The following LHFPL2 variants were observed in gnomAD, a reference collection of about 807,000 sequenced individuals.
The protein encoded by LHFPL2 is LHFPL tetraspan subfamily member 2 protein.
A neutral mutation model predicts 17.5 loss-of-function variants in LHFPL2; 7 were observed. The observed-to-expected ratio is 0.40, with a 90% CI of 0.23 to 0.75. The LOEUF is 0.75. Ranked by LOEUF, LHFPL2 falls within the 30% of genes least tolerant of loss-of-function variation. The probability of loss-of-function intolerance (pLI) is 0.37; values close to 1 mark genes in which losing one functional copy is unlikely to be tolerated. For synonymous variants in LHFPL2, 134 were observed against 116.2 expected (o/e 1.15, Z -0.99); for missense variants, 241 against 294.8 (o/e 0.82, Z 1.34).
intron 2 of LHFPL2, among the ~76,000 whole-genome samples, chr5:78,595,559 G>T (rs1329147388): frequency 6.6e-6 from 1 of 152,220 alleles, no homozygotes; most frequent in African/African-American, 2.4e-5. Context: ...GTCACCCAAG[G>T]TAAGTGCAGC....
intron 2 of LHFPL2, among the ~76,000 whole-genome samples, chr5:78,606,466 TGA>T (rs941672788): frequency 1.3e-5 from 2 of 152,188 alleles, no homozygotes; most frequent in African/African-American, 4.8e-5. Flanking sequence ...CACTTAAGAC[TGA>T]GAGTTATTAA....
rs186604205 is a variant in LHFPL2 at position 78,530,276 on chromosome 5, C to A, written c.-185-19878G>T. On this transcript the variant is annotated intron_variant, in intron 3 of 4. Coordinates refer to ENST00000380345, the MANE Select transcript of LHFPL2 (RefSeq NM_005779.3). ...AATTCTAACCCATGTCTCTAATAATCAAATTATACCATTAGTATTTAAAAA... is the reference window on the plus strand; with the variant it reads ...AATTCTAACCCATGTCTCTAATAATAAAATTATACCATTAGTATTTAAAAA... 2.6e-3 allele frequency among the ~76,000 whole-genome samples: 395 copies of A among 152,258 alleles called. 2 individuals are homozygous for A. The highest frequency in any genetic ancestry group is 8.1e-3 in the African/African-American group (335 of 41,550).
At chr5:78,603,474 C>A (rs1387697047) in intron 2 of LHFPL2, among the ~76,000 whole-genome samples, 1 of 152,178 alleles carries the variant, frequency 6.6e-6, no homozygotes, top group African/African-American at 2.4e-5. Context: ...TGGGAACTAG[C>A]AACATGGAAT....
chr5:78,639,481 G>C (rs981801891), intron 1 of LHFPL2, among the ~76,000 whole-genome samples: 2 of 152,304 alleles, frequency 1.3e-5, no homozygotes, highest in South Asian at 4.1e-4. Flanking sequence ...ATGAATCCAT[G>C]CAGAGTCAGT....
chr5:78,637,638 C>T (rs1409475735), intron 1 of LHFPL2, among the ~76,000 whole-genome samples: 1 of 152,242 alleles, frequency 6.6e-6, no homozygotes, highest in Non-Finnish European at 1.5e-5. Context: ...TCAGCCCTGA[C>T]ATTTCTCAGC....
rs76107216 is a variant in LHFPL2, at chr5:78,514,287, T to C, written c.-185-3889A>G. 3.8e-3 allele frequency among the ~76,000 whole-genome samples: 580 copies of C among 151,594 alleles called. 2 individuals carry two copies. The highest frequency in any genetic ancestry group is 6.6e-3 in the Non-Finnish European group (447 of 67,964). On this transcript the variant is annotated intron_variant, in intron 3 of 4. Transcript: ENST00000380345. ...TCACATCCCAGGTGATTGTGGATCATCTAGACAGCCCTCTGATGTTCAGAA... is the reference window on the plus strand; with the variant it reads ...TCACATCCCAGGTGATTGTGGATCACCTAGACAGCCCTCTGATGTTCAGAA...
intron 3 of LHFPL2, among the ~76,000 whole-genome samples, chr5:78,562,162 C>T (rs1756746248): frequency 6.6e-6 from 1 of 152,182 alleles, no homozygotes; most frequent in Non-Finnish European, 1.5e-5. Context: ...CACACGCATT[C>T]CCATCTTTTT....
At chr5:78,620,960 C>T (rs1292146230) in intron 2 of LHFPL2, among the ~76,000 whole-genome samples, 1 of 144,098 alleles carries the variant, frequency 6.9e-6, no homozygotes, top group Non-Finnish European at 1.5e-5. Context: ...AATCATCATT[C>T]TCAAACTCCT....
intron 2 of LHFPL2, chr5:78,626,143 G>A (rs956090012): frequency 1.3e-4 from 20 of 152,162 alleles, no homozygotes; most frequent in African/African-American, 4.3e-4. Flanking sequence ...CATGGCACAG[G>A]GACCCTCATA....
At chr5:78,640,722 C>A (rs1745633749) in intron 1 of LHFPL2, among the ~76,000 whole-genome samples, 1 of 152,200 alleles carries the variant, frequency 6.6e-6, no homozygotes, top group Admixed American at 6.5e-5. Context: ...TAGTCTCTGT[C>A]CTTCCAACCC....
At chr5:78,505,604 G>T (rs1227462403) in intron 4 of LHFPL2, among the ~76,000 whole-genome samples, 3 of 152,132 alleles carry the variant, frequency 2.0e-5, no homozygotes, top group Non-Finnish European at 2.9e-5. Flanking sequence ...AACACAGGCA[G>T]GCTCTTAAGG....
intron 2 of LHFPL2, among the ~76,000 whole-genome samples, chr5:78,620,357 GT>G: frequency 6.6e-6 from 1 of 152,056 alleles, no homozygotes; most frequent in South Asian, 2.1e-4. Flanking sequence ...GGGGTTGTTT[GT>G]TTTTTTCTCG....
intron 2 of LHFPL2, among the ~76,000 whole-genome samples, chr5:78,582,776 T>G (rs141915420): frequency 0.042 from 6,342 of 152,228 alleles, 477 homozygotes; most frequent in African/African-American, 0.15. Context: ...ATTTGGGGTG[T>G]AGAGCTCTGT....
intron 3 of LHFPL2, among the ~76,000 whole-genome samples, chr5:78,555,823 A>C (rs755012719): frequency 6.6e-6 from 1 of 152,254 alleles, no homozygotes; most frequent in Non-Finnish European, 1.5e-5. Flanking sequence ...GATGACCCAG[A>C]GACCTTGATG....
intron 2 of LHFPL2, among the ~76,000 whole-genome samples, chr5:78,622,258 C>G (rs575064943): frequency 6.6e-6 from 1 of 152,262 alleles, no homozygotes; most frequent in Non-Finnish European, 1.5e-5. Flanking sequence ...CTCTGAGCAC[C>G]TTGGCTGAGG....
intron 4 of LHFPL2, among the ~76,000 whole-genome samples, chr5:78,493,529 T>C (rs1173235012): frequency 6.6e-6 from 1 of 152,262 alleles, no homozygotes; most frequent in East Asian, 1.9e-4. Flanking sequence ...ACTGCTCTAA[T>C]GCCTGTGCTT....
intron 3 of LHFPL2, among the ~76,000 whole-genome samples, chr5:78,528,889 T>G (rs1755698399): frequency 6.6e-6 from 1 of 152,244 alleles, no homozygotes; most frequent in African/African-American, 2.4e-5. Flanking sequence ...AAGATACGTC[T>G]ATTTTAACCA....
intron 3 of LHFPL2, among the ~76,000 whole-genome samples, chr5:78,535,030 C>T (rs137896919): frequency 6.6e-5 from 10 of 152,256 alleles, no homozygotes; most frequent in African/African-American, 1.4e-4. Flanking sequence ...TTGGAATGTA[C>T]GGAAAAAACC....
chr5:78,507,025 A>G (rs1754952867), intron 4 of LHFPL2, among the ~76,000 whole-genome samples: 1 of 152,180 alleles, frequency 6.6e-6, no homozygotes, highest in Non-Finnish European at 1.5e-5. Context: ...GTGCAGAGAG[A>G]AAAGTCAGAA....
Sources: allele counts gnomAD v4.1 joint callset (sites outside exome capture counted in the v4.1 genomes callset), GRCh38; gene constraint gnomAD v4.1.1; transcripts MANE v1.5; gene names NCBI Gene and HGNC (gene_info 2026-07-23, HGNC 2026-07-21).